The following LRRC37A2 variants were observed in gnomAD, a reference collection of about 807,000 sequenced individuals.
LRRC37A2 encodes leucine rich repeat containing 37 member A2, also known as leucine-rich repeat-containing protein 37A2.
A neutral mutation model predicts 68.8 loss-of-function variants in LRRC37A2; 9 were observed. The observed-to-expected ratio is 0.13, with a 90% CI of 0.08 to 0.23. The LOEUF is 0.23. Ranked by LOEUF, LRRC37A2 falls within the 10% of genes least tolerant of loss-of-function variation. The pLI is 1.00. For missense variants in LRRC37A2, 168 were observed against 950.4 expected (o/e 0.18, Z 10.82); for synonymous variants, 63 against 367.6 (o/e 0.17, Z 9.48).
chr17:46,946,508 G>GA, the LRRC37A2 span, among the ~76,000 whole-genome samples: 869 of 141,674 alleles, frequency 6.1e-3, 12 homozygotes, highest in African/African-American at 0.019. Context: ...TCCCTTTGTG[G>GA]AAAAAAAAAA....
At chr17:46,939,046 G>GTGGCTTTGT in the LRRC37A2 span, 131,487 of 1,265,938 alleles carry the variant, frequency 0.1, 7,541 homozygotes, top group African/African-American at 0.13. Flanking sequence ...AATGGCTTTG[G>GTGGCTTTGT]TGGCTTTGTT....
At chr17:46,810,428 A>G in the LRRC37A2 span, among the ~76,000 whole-genome samples, 2 of 152,092 alleles carry the variant, frequency 1.3e-5, no homozygotes, top group Non-Finnish European at 2.9e-5. Flanking sequence ...CTGATGCTCA[A>G]TGGAGAGCCC....
the LRRC37A2 span, among the ~76,000 whole-genome samples, chr17:46,811,457 G>A: frequency 1.3e-5 from 2 of 152,314 alleles, no homozygotes; most frequent in East Asian, 3.9e-4. Context: ...TTGTGCACCT[G>A]GGGTAGCCAC....
At chr17:46,768,474 T>A in the LRRC37A2 span, 1 of 1,614,104 alleles carries the variant, frequency 6.2e-7, no homozygotes, top group Non-Finnish European at 8.5e-7. The surrounding 1 kb of genome is among the most constrained non-coding windows in gnomAD (Gnocchi z 5.0). Context: ...ATCGATGCCG[T>A]GGGAGGTGAC....
chr17:46,821,395 C>G, the LRRC37A2 span, among the ~76,000 whole-genome samples: 1 of 152,322 alleles, frequency 6.6e-6, no homozygotes, highest in Admixed American at 6.5e-5. Context: ...CCTCCTGCAC[C>G]CCTTGCGCTG....
the LRRC37A2 span, among the ~76,000 whole-genome samples, chr17:46,491,272 ATATCT>A: frequency 6.6e-6 from 1 of 150,750 alleles, no homozygotes; most frequent in South Asian, 2.1e-4. Flanking sequence ...TTATGCCATG[ATATCT>A]TATTTAATCT....
the LRRC37A2 span, among the ~76,000 whole-genome samples, chr17:46,985,566 G>T: frequency 6.6e-6 from 1 of 152,060 alleles, no homozygotes; most frequent in South Asian, 2.1e-4. Flanking sequence ...TGCAGGTTGG[G>T]TGTCTATGCA....
chr17:46,783,988 C>T, the LRRC37A2 span, among the ~76,000 whole-genome samples: 2 of 152,094 alleles, frequency 1.3e-5, no homozygotes, highest in Non-Finnish European at 2.9e-5. Flanking sequence ...GCGGGGTTGA[C>T]GTGGATGCTA....
the LRRC37A2 span, among the ~76,000 whole-genome samples, chr17:47,009,793 A>T: frequency 2.0e-5 from 3 of 152,262 alleles, no homozygotes; most frequent in Admixed American, 1.3e-4. Context: ...TTGCCCACTT[A>T]GAAGTCCCTT....
chr17:46,838,310 C>T, the LRRC37A2 span, among the ~76,000 whole-genome samples: 1,276 of 146,744 alleles, frequency 8.7e-3, 13 homozygotes, highest in African/African-American at 0.032. Flanking sequence ...AGAGATAGAA[C>T]GGGGCCTGCC....
At chr17:47,046,362 T>C in the LRRC37A2 span, among the ~76,000 whole-genome samples, 1 of 113,492 alleles carries the variant, frequency 8.8e-6, no homozygotes, top group Non-Finnish European at 1.8e-5. Flanking sequence ...TTCCGCTTGG[T>C]AATTAATAAA....
the LRRC37A2 span, among the ~76,000 whole-genome samples, chr17:46,816,905 T>C: frequency 1.3e-5 from 2 of 152,072 alleles, no homozygotes; most frequent in African/African-American, 4.8e-5. Flanking sequence ...GCTGGACTGG[T>C]GTTGGCAGCA....
the LRRC37A2 span, among the ~76,000 whole-genome samples, chr17:46,993,997 T>C: frequency 6.6e-6 from 1 of 152,178 alleles, no homozygotes; most frequent in African/African-American, 2.4e-5. Flanking sequence ...CCCCAGTGGA[T>C]TCTAATGTGC....
the LRRC37A2 span, among the ~76,000 whole-genome samples, chr17:46,761,586 C>T: frequency 6.6e-5 from 10 of 152,060 alleles, no homozygotes; most frequent in African/African-American, 1.4e-4. Flanking sequence ...CCACCCACCT[C>T]GGCCTCCCAA....
chr17:46,797,958 G>C, the LRRC37A2 span, among the ~76,000 whole-genome samples: 18 of 151,796 alleles, frequency 1.2e-4, no homozygotes, highest in African/African-American at 4.1e-4. Context: ...TTGTTTTTTT[G>C]AGACAGGGTC....
At chr17:46,869,118 C>A in the LRRC37A2 span, among the ~76,000 whole-genome samples, 15 of 152,296 alleles carry the variant, frequency 9.8e-5, no homozygotes, top group South Asian at 3.1e-3. Context: ...TTGAGAGCAG[C>A]CCTGGGCAGA....
At chr17:46,891,417 G>A in the LRRC37A2 span, among the ~76,000 whole-genome samples, 2 of 152,072 alleles carry the variant, frequency 1.3e-5, no homozygotes, top group African/African-American at 2.4e-5. Flanking sequence ...AAGCAAGGTC[G>A]CCAGGGCCCA....
the LRRC37A2 span, among the ~76,000 whole-genome samples, chr17:46,851,361 A>G: frequency 6.9e-6 from 1 of 145,248 alleles, no homozygotes; most frequent in African/African-American, 2.5e-5. The surrounding 1 kb of genome is among the most constrained non-coding windows in gnomAD (Gnocchi z 4.3). Flanking sequence ...GCGCGGCGCC[A>G]GGTGAGCGCT....
At chr17:46,916,173 T>C in the LRRC37A2 span, among the ~76,000 whole-genome samples, 17 of 152,336 alleles carry the variant, frequency 1.1e-4, no homozygotes, top group East Asian at 2.3e-3. Flanking sequence ...GCCTATCTTC[T>C]CCATTCAAGA....
Sources: gnomAD v4.1 joint callset for allele counts (sites outside exome capture counted in the v4.1 genomes callset) on GRCh38, gnomAD v4.1.1 for gene constraint, Gnocchi (gnomAD v3.1) non-coding constraint, MANE v1.5 for transcripts, NCBI Gene and HGNC (gene_info 2026-07-23, HGNC 2026-07-21) for gene names.